The following CACNB4 variants were observed in gnomAD, a reference collection of about 807,000 sequenced individuals.
CACNB4 encodes the protein voltage-dependent L-type calcium channel subunit beta-4.
CACNB4 carries 32 observed loss-of-function variants against 71.2 expected under a neutral mutation model. The ratio of observed to expected loss-of-function variants is 0.45; its 90% CI spans 0.34 to 0.60. The LOEUF (loss-of-function observed/expected upper bound fraction) is 0.60. Among genes scored for constraint, CACNB4 ranks in the 20% least tolerant of loss-of-function variants. The pLI is 0.01. For missense variants in CACNB4, 464 were observed against 647.9 expected, an observed-to-expected ratio of 0.72 and a Z score of 3.08; for synonymous variants, 231 against 236.9, an observed-to-expected ratio of 0.97 and a Z score of 0.23.
chr2:151,843,879 C>T (rs189968882), intron 12 of CACNB4, among the ~76,000 whole-genome samples: 1 of 152,202 alleles, frequency 6.6e-6, no homozygotes, highest in African/African-American at 2.4e-5. Context: ...TCTCTCCCAA[C>T]ATTTACTATT....
chr2:151,931,055 C>T (rs2099861521), intron 2 of CACNB4, among the ~76,000 whole-genome samples: 1 of 152,084 alleles, frequency 6.6e-6, no homozygotes, highest in Admixed American at 6.6e-5. Context: ...CAAAACATGC[C>T]AGAACCATAT....
At chr2:151,860,471 C>T in intron 10 of CACNB4, 1 of 534,550 alleles carries the variant, frequency 1.9e-6, no homozygotes. Context: ...CTAGGAGAGC[C>T]CATTGAGGAT....
chr2:152,031,438 G>C (rs191183637), intron 2 of CACNB4, among the ~76,000 whole-genome samples: 154 of 152,338 alleles, frequency 1.0e-3, no homozygotes, highest in African/African-American at 3.5e-3. Context: ...GAGGATGAGA[G>C]AGCACACGCA....
rs1243316449 is a variant in CACNB4 at position 151,987,554 on chromosome 2, GA to G, written c.148-104185del. On this transcript the variant is annotated intron_variant, in intron 2 of 13. Transcript: ENST00000539935. ...TGTTGATGTTTTGAATTAAGTCAAA[GA>G]AAAAAGCATTAACAAGTGTACCAAA... Among the ~76,000 whole-genome samples, 3 of 152,230 alleles carry G rather than the reference GA, an allele frequency of 2.0e-5. No individual in the cohort carries two copies. In the East Asian group the frequency reaches 5.8e-4, roughly 29 times the overall value.
intron 4 of CACNB4, among the ~76,000 whole-genome samples, chr2:151,877,280 C>T (rs755470880): frequency 6.6e-6 from 1 of 152,110 alleles, no homozygotes; most frequent in Non-Finnish European, 1.5e-5. Context: ...TGTGTGAAAG[C>T]AGCCACAGAC....
chr2:151,931,583 T>TC (rs1165706792), intron 2 of CACNB4, among the ~76,000 whole-genome samples: 3 of 151,966 alleles, frequency 2.0e-5, no homozygotes, highest in Non-Finnish European at 4.4e-5. Context: ...ATTTGGAAGC[T>TC]CCCCCTTGGT....
rs891807236 is a variant in CACNB4 at position 151,907,590 on chromosome 2, T to C, written c.148-24220A>G. Among the ~76,000 whole-genome samples, 6 of 152,348 alleles carry C rather than the reference T, an allele frequency of 3.9e-5. No individual in the cohort carries two copies. In the South Asian group the frequency reaches 8.3e-4, roughly 21 times the overall value. Reference sequence around the variant, plus strand: ...TTATCAGATTTCACTGGTTTTCTACTAATGTCCTTTTTCTGTTCCAGGAGC... The same window carrying C: ...TTATCAGATTTCACTGGTTTTCTACCAATGTCCTTTTTCTGTTCCAGGAGC... On this transcript the variant is annotated intron_variant, in intron 2 of 13. Coordinates refer to ENST00000539935, the MANE Select transcript of CACNB4 (RefSeq NM_000726.5).
intron 2 of CACNB4, among the ~76,000 whole-genome samples, chr2:151,911,549 T>A (rs1214735717): frequency 6.6e-6 from 1 of 152,232 alleles, no homozygotes; most frequent in Non-Finnish European, 1.5e-5. Flanking sequence ...TGGATAAGTT[T>A]TTTGATGTGC....
chr2:151,911,991 G>T (rs922680142), intron 2 of CACNB4, among the ~76,000 whole-genome samples: 1 of 152,048 alleles, frequency 6.6e-6, no homozygotes, highest in Non-Finnish European at 1.5e-5. Flanking sequence ...ATGGTAATTT[G>T]TATTTCTTGG....
intron 2 of CACNB4, among the ~76,000 whole-genome samples, chr2:152,082,252 T>C (rs538111749): frequency 9.2e-5 from 14 of 152,156 alleles, no homozygotes; most frequent in Non-Finnish European, 1.9e-4. Context: ...AAATTATCTT[T>C]CCTCCTGTAA....
chr2:151,999,887 C>A (rs1043489265), intron 2 of CACNB4, among the ~76,000 whole-genome samples: 1 of 152,098 alleles, frequency 6.6e-6, no homozygotes, highest in African/African-American at 2.4e-5. Flanking sequence ...TTCCTGTGTA[C>A]CCTCAGTAAT....
intron 2 of CACNB4, among the ~76,000 whole-genome samples, chr2:152,058,876 T>TC (rs1235494791): frequency 6.6e-6 from 1 of 152,166 alleles, no homozygotes; most frequent in Non-Finnish European, 1.5e-5. Context: ...GTGCCCAGGA[T>TC]CCCCCCTGCT....
At chr2:152,034,129 A>G (rs1461485978) in intron 2 of CACNB4, among the ~76,000 whole-genome samples, 2 of 152,206 alleles carry the variant, frequency 1.3e-5, no homozygotes, top group Non-Finnish European at 2.9e-5. Context: ...TAAGAGCAAG[A>G]TGGACTCGGA....
intron 2 of CACNB4, among the ~76,000 whole-genome samples, chr2:151,995,076 T>C (rs1178143266): frequency 2.0e-5 from 3 of 152,246 alleles, no homozygotes; most frequent in Non-Finnish European, 4.4e-5. Context: ...CAGAAGTATA[T>C]GCTCAACAAG....
intron 5 of CACNB4, chr2:151,874,025 C>G (rs955805517): frequency 6.6e-6 from 1 of 152,398 alleles, no homozygotes; most frequent in African/African-American, 2.4e-5. Context: ...CTGCTCCAGG[C>G]ATGTAAGACA....
At chr2:152,021,075 A>G (rs1372850141) in intron 2 of CACNB4, among the ~76,000 whole-genome samples, 3 of 151,868 alleles carry the variant, frequency 2.0e-5, no homozygotes, top group African/African-American at 7.3e-5. Flanking sequence ...ACGTGGTGAA[A>G]CCCCGTTTCT....
intron 2 of CACNB4, among the ~76,000 whole-genome samples, chr2:151,908,429 A>C (rs1009462921): frequency 6.6e-6 from 1 of 152,238 alleles, no homozygotes; most frequent in African/African-American, 2.4e-5. Flanking sequence ...AAGGCCAATC[A>C]GGGTACCTGA....
intron 2 of CACNB4, among the ~76,000 whole-genome samples, chr2:152,021,289 T>A (rs940104359): frequency 1.6e-4 from 24 of 152,162 alleles, no homozygotes; most frequent in African/African-American, 5.1e-4. Flanking sequence ...AACAATTTTT[T>A]TTCAAACTAT....
intron 3 of CACNB4, among the ~76,000 whole-genome samples, chr2:151,881,845 G>A (rs902582741): frequency 1.3e-5 from 2 of 150,668 alleles, no homozygotes; most frequent in Non-Finnish European, 1.5e-5. Flanking sequence ...GGCAAATGAA[G>A]ACACCTAATT....
Sources: allele counts gnomAD v4.1 joint callset (sites outside exome capture counted in the v4.1 genomes callset), GRCh38; gene constraint gnomAD v4.1.1; transcripts MANE v1.5; gene names NCBI Gene and HGNC (gene_info 2026-07-23, HGNC 2026-07-21).